The following SHPRH variants were observed in gnomAD, a reference collection of about 807,000 sequenced individuals.
The protein encoded by SHPRH is SNF2 histone linker PHD RING helicase, also known as E3 ubiquitin-protein ligase SHPRH.
In SHPRH, 106 loss-of-function variants were observed where a neutral mutation model predicts 202.5. The ratio of observed to expected loss-of-function variants is 0.52; its 90% CI spans 0.45 to 0.62. The LOEUF (loss-of-function observed/expected upper bound fraction) is 0.62, where lower values mean the gene tolerates loss of function less well. Among genes scored for constraint, SHPRH ranks in the 20% least tolerant of loss-of-function variants. SHPRH has a pLI of 0.00. For synonymous variants in SHPRH, 729 were observed against 686.0 expected (o/e 1.06, Z -0.98); for missense variants, 1,710 against 2,020.0 (o/e 0.85, Z 2.94).
chr6:145,876,010 A>G (rs902433712), intron 2 of SHPRH, among the ~76,000 whole-genome samples: 6 of 152,368 alleles, frequency 3.9e-5, no homozygotes, highest in African/African-American at 1.4e-4. Context: ...TCTTCGAGAT[A>G]CAATTCACAC....
intron 2 of SHPRH, among the ~76,000 whole-genome samples, chr6:145,866,544 A>G (rs550725795): frequency 1.3e-4 from 19 of 151,196 alleles, no homozygotes; most frequent in African/African-American, 4.6e-4. Context: ...ATACAAGACA[A>G]ACAGGACGTG....
chr6:145,897,985 T>C (rs906048454), intron 25 of SHPRH, among the ~76,000 whole-genome samples: 3 of 152,070 alleles, frequency 2.0e-5, no homozygotes, highest in Admixed American at 6.6e-5. Context: ...GCCACTGTTA[T>C]TCAACATAGT....
rs1780938907 is a variant in SHPRH at position 145,885,675 on chromosome 6, G to C, written c.*1016C>G. On this transcript the variant is annotated 3_prime_UTR_variant, in exon 30 of 30. Coordinates refer to ENST00000275233, the MANE Select transcript of SHPRH (RefSeq NM_001042683.3). The stretch of plus-strand genomic sequence containing the variant: ...TCGTTATTATCACTTGCAACGATTT[G>C]CTTATGTGAACATGGCATTCTCTTG... 6.6e-6 allele frequency: 1 copy of C among 152,128 alleles called. No homozygotes were observed. The highest frequency in any genetic ancestry group is 2.1e-4 in the South Asian group (1 of 4,830). The allele number at this position is 152,128 out of a possible 1,614,324, so 9.4% of individuals were successfully genotyped here. A position where few individuals can be genotyped will look rare whatever the true frequency, so the allele number is the denominator to read the frequency against.
At chr6:145,941,246 CCT>C (rs1467395383) in intron 10 of SHPRH, among the ~76,000 whole-genome samples, 1 of 152,130 alleles carries the variant, frequency 6.6e-6, no homozygotes, top group East Asian at 1.9e-4. Flanking sequence ...TACCATTTGG[CCT>C]CTGATTTAAA....
chr6:145,942,013 T>C, intron 9 of SHPRH, 139 bp from the exon 10 acceptor site: 3 of 991,704 alleles, frequency 3.0e-6, no homozygotes, highest in Non-Finnish European at 4.3e-6. Context: ...CATACCTGTT[T>C]GGAGAAAGAC....
chr6:145,890,963 T>A (rs142764529), intron 28 of SHPRH, among the ~76,000 whole-genome samples: 446 of 152,288 alleles, frequency 2.9e-3, no homozygotes, highest in African/African-American at 0.01. Context: ...TCAGGTCACC[T>A]TCAGCTCTCA....
chr6:145,925,588 C>CAAATAAAA (rs1784806373), intron 16 of SHPRH, among the ~76,000 whole-genome samples: 3 of 151,948 alleles, frequency 2.0e-5, no homozygotes, highest in South Asian at 2.1e-4. Flanking sequence ...AATAAAGCCT[C>CAAATAAAA]CACTTACAGG....
chr6:145,869,424 G>T (rs1157220897), intron 2 of SHPRH, among the ~76,000 whole-genome samples: 1 of 152,148 alleles, frequency 6.6e-6, no homozygotes, highest in East Asian at 1.9e-4. Context: ...AACCCAAGGC[G>T]ATCTAGATTT....
intron 27 of SHPRH, 30 bp downstream of exon 27, chr6:145,894,120 T>C: frequency 6.4e-7 from 1 of 1,554,324 alleles, no homozygotes; most frequent in Non-Finnish European, 8.7e-7. Flanking sequence ...CTGTATCCAC[T>C]ACAAAAACCG....
At chr6:145,931,560 T>A (rs556036788) in intron 14 of SHPRH, among the ~76,000 whole-genome samples, 131 of 152,210 alleles carry the variant, frequency 8.6e-4, no homozygotes, top group African/African-American at 3.0e-3. Flanking sequence ...ATGGTCTCCA[T>A]CTCCTAACCT....
intron 25 of SHPRH, among the ~76,000 whole-genome samples, chr6:145,900,159 T>C (rs963472008): frequency 6.6e-6 from 1 of 152,128 alleles, no homozygotes; most frequent in African/African-American, 2.4e-5. Flanking sequence ...TGGGTATATA[T>C]CCAGGGGAAA....
At chr6:145,945,355 A>G (rs1271215040) in intron 8 of SHPRH, 26 bp downstream of exon 8, 1 of 1,591,530 alleles carries the variant, frequency 6.3e-7, no homozygotes, top group Non-Finnish European at 8.5e-7. Context: ...TGTACTTAAT[A>G]TAGAGCTGAA....
In SHPRH at chr6:145,955,170, A is replaced by C; in HGVS notation, c.153T>G (p.Ser51=). The stretch of plus-strand genomic sequence containing the variant: ...TATCACTTAGAATGATATAATGAGC[A>C]GAAGAGGTATCTGAACCTGGGCAGG... The part of the protein sequence containing the change: ...EQPCPGSDTS[S]AHYIILSDSL... The change falls in exon 2 of 30, where the codon TCT becomes TCG. Residue 51 remains serine, a synonymous_variant. Coordinates refer to ENST00000275233, the MANE Select transcript of SHPRH (RefSeq NM_001042683.3). 2.5e-6 allele frequency: 4 copies of C among 1,613,890 alleles called. No homozygotes were observed. Among genetic ancestry groups the C allele is most frequent in the Non-Finnish European group, 3.4e-6 (4 of 1,179,958 alleles).
chr6:145,883,602 A>G (rs897231965), downstream of SHPRH: 2 of 152,228 alleles, frequency 1.3e-5, no homozygotes, highest in African/African-American at 4.8e-5. Flanking sequence ...GGGCTTCACA[A>G]TGTAACAGAG....
chr6:145,911,304 T>C (rs1477704045), intron 24 of SHPRH, among the ~76,000 whole-genome samples: 2 of 152,068 alleles, frequency 1.3e-5, no homozygotes, highest in Non-Finnish European at 2.9e-5. Context: ...GACCAGCTAA[T>C]TTTTGTATTT....
chr6:145,933,642 G>C (rs1429776590), intron 13 of SHPRH, among the ~76,000 whole-genome samples: 1 of 152,046 alleles, frequency 6.6e-6, no homozygotes, highest in Admixed American at 6.6e-5. Flanking sequence ...GACTCTAACT[G>C]TACACAGCAA....
At chr6:145,888,138 G>A (rs543422576) in intron 28 of SHPRH, 38 bp from the exon 29 acceptor site, 1 of 1,472,000 alleles carries the variant, frequency 6.8e-7, no homozygotes, top group African/African-American at 1.4e-5. Context: ...TAAAAACATA[G>A]TAAAACAAAT....
At chr6:145,898,096 T>C (rs2265470) in intron 25 of SHPRH, among the ~76,000 whole-genome samples, 27,665 of 152,076 alleles carry the variant, frequency 0.18, 3,265 homozygotes, top group Middle Eastern at 0.25. Flanking sequence ...CATGATCTTA[T>C]ATATACAAAA....
chr6:145,927,861 T>C (rs1785027888), intron 14 of SHPRH, among the ~76,000 whole-genome samples: 1 of 151,950 alleles, frequency 6.6e-6, no homozygotes, highest in Non-Finnish European at 1.5e-5. Context: ...ACACAAATCA[T>C]GGTCTGAGAT....
Sources: gnomAD v4.1 joint callset for allele counts (sites outside exome capture counted in the v4.1 genomes callset) on GRCh38, gnomAD v4.1.1 for gene constraint, MANE v1.5 for transcripts, NCBI Gene and HGNC (gene_info 2026-07-23, HGNC 2026-07-21) for gene names.